SEMA3C: variants seen among roughly 807,000 people sequenced by gnomAD.
SEMA3C encodes the protein semaphorin-3C.
SEMA3C carries 47 observed loss-of-function variants against 89.4 expected under a neutral mutation model. That is an observed-to-expected ratio of 0.53 (90% CI 0.42 to 0.67). The LOEUF is 0.67. Ranked by LOEUF, SEMA3C falls within the 30% of genes least tolerant of loss-of-function variation. The pLI is 0.00. For missense variants in SEMA3C, 839 were observed against 929.1 expected, an observed-to-expected ratio of 0.90 and a Z score of 1.26; for synonymous variants, 310 against 320.2, an observed-to-expected ratio of 0.97 and a Z score of 0.34.
At chr7:80,906,168 T>C (rs1185330226) in intron 2 of SEMA3C, among the ~76,000 whole-genome samples, 1 of 152,192 alleles carries the variant, frequency 6.6e-6, no homozygotes, top group Non-Finnish European at 1.5e-5. Flanking sequence ...TGGAACTTCA[T>C]ACAGATACGT....
intron 2 of SEMA3C, among the ~76,000 whole-genome samples, chr7:80,840,649 G>A (rs1182442344): frequency 1.3e-5 from 2 of 151,760 alleles, no homozygotes; most frequent in African/African-American, 4.8e-5. Context: ...AGGTACACGA[G>A]CAACTGCAGT....
At chr7:80,758,539 AC>A (rs1788117452) in intron 14 of SEMA3C, 51 bp from the exon 15 acceptor site, 2 of 1,552,400 alleles carry the variant, frequency 1.3e-6, no homozygotes, top group African/African-American at 2.7e-5. Flanking sequence ...TTAAAAGAAG[AC>A]TTTCAGCAGG....
intron 12 of SEMA3C, among the ~76,000 whole-genome samples, chr7:80,772,071 C>T (rs1316664847): frequency 6.6e-6 from 1 of 152,136 alleles, no homozygotes; most frequent in African/African-American, 2.4e-5. Context: ...AGGAAACATA[C>T]TTTGAAAGCC....
intron 2 of SEMA3C, among the ~76,000 whole-genome samples, chr7:80,838,819 G>A (rs985026388): frequency 1.3e-5 from 2 of 152,096 alleles, no homozygotes; most frequent in Non-Finnish European, 1.5e-5. Flanking sequence ...AATAGCATGA[G>A]CAAAACCGCC....
chr7:80,776,559 C>A (rs1191000063), intron 12 of SEMA3C, among the ~76,000 whole-genome samples: 1 of 152,158 alleles, frequency 6.6e-6, no homozygotes, highest in Non-Finnish European at 1.5e-5. Flanking sequence ...TCTGAAACTG[C>A]CTTTCCTTAT....
At chr7:80,863,154 C>T (rs1278088222) in intron 2 of SEMA3C, among the ~76,000 whole-genome samples, 1 of 151,534 alleles carries the variant, frequency 6.6e-6, no homozygotes, top group Non-Finnish European at 1.5e-5. Flanking sequence ...ATTGCTTGAA[C>T]CTGGGAGGCA....
At chr7:80,753,889 G>GA (rs1368566822) in intron 15 of SEMA3C, among the ~76,000 whole-genome samples, 1 of 152,002 alleles carries the variant, frequency 6.6e-6, no homozygotes, top group Non-Finnish European at 1.5e-5. Context: ...ACTTGAGAGT[G>GA]AAAATGAAAA....
chr7:80,744,921 G>C lies in SEMA3C; in HGVS notation c.2229C>G (p.Asn743Lys). ...ATGACTCTGGCAACTGATTCCTCCT[G>C]TTTCTACTTTTCCGACTATTGATGA... The part of the protein sequence containing the change: ...KALINSRKSR[N>K]RRNQLPES Residue 743 changes from asparagine (N) to lysine (K), a missense_variant, in exon 18 of 18, where the codon AAC (asparagine) becomes AAG (lysine). Physicochemically the swap from Asn to Lys is moderately conservative, Grantham distance 94. Transcript: ENST00000265361. The C allele has an allele frequency of 6.2e-7, 1 of 1,614,062 alleles. No individual in the cohort carries two copies. Among genetic ancestry groups the C allele is most frequent in the Non-Finnish European group, 8.5e-7 (1 of 1,179,966 alleles).
In SEMA3C at chr7:80,915,284, C is replaced by T. The variant is rs536633175; in HGVS notation, c.103+1395G>A. 2.6e-5 allele frequency among the ~76,000 whole-genome samples: 4 copies of T among 152,232 alleles called. No homozygotes were observed. The East Asian group carries it at 5.8e-4, about 22-fold the overall frequency. On this transcript the variant is annotated intron_variant, in intron 2 of 17. Coordinates refer to ENST00000265361, the MANE Select transcript of SEMA3C (RefSeq NM_006379.5). ...TTTTCCATTCTTCACAACTTAACTGCATAGCTATGGGTTTTAAGGGGAAAT... is the reference window on the plus strand; with the variant it reads ...TTTTCCATTCTTCACAACTTAACTGTATAGCTATGGGTTTTAAGGGGAAAT...
At position 80,827,418 on chromosome 7, in the gene SEMA3C, C is replaced by G; in HGVS notation, c.327+7G>C. On this transcript the variant is annotated splice_region_variant and intron_variant, in intron 4 of 17. Coordinates refer to ENST00000265361, the MANE Select transcript of SEMA3C (RefSeq NM_006379.5). ...TTTTTTTTTTTTTTTTTTTTTTTAA[C>G]ACTTACTGTGGGATCTTTGCCAGCC... 1.1e-6 allele frequency: 1 copy of G among 890,278 alleles called. No homozygotes were observed. The highest frequency in any genetic ancestry group is 1.6e-6 in the Non-Finnish European group (1 of 623,320). 55.1% of individuals were successfully genotyped at this position (890,278 alleles called of 1,614,324 possible).
At chr7:80,849,565 A>G (rs1463985733) in intron 2 of SEMA3C, among the ~76,000 whole-genome samples, 1 of 152,198 alleles carries the variant, frequency 6.6e-6, no homozygotes, top group Non-Finnish European at 1.5e-5. Flanking sequence ...AGGATCAAAA[A>G]GAAAGAAAAT....
intron 2 of SEMA3C, among the ~76,000 whole-genome samples, chr7:80,896,195 C>G (rs1221056007): frequency 6.6e-6 from 1 of 152,108 alleles, no homozygotes; most frequent in Non-Finnish European, 1.5e-5. Context: ...AATAGCCCTA[C>G]AACTGTAAAC....
At chr7:80,754,814 G>A (rs1289945945) in intron 15 of SEMA3C, among the ~76,000 whole-genome samples, 1 of 151,892 alleles carries the variant, frequency 6.6e-6, no homozygotes, top group Admixed American at 6.6e-5. Context: ...GTCTCACTCT[G>A]TCTCCCAGGC....
intron 2 of SEMA3C, among the ~76,000 whole-genome samples, chr7:80,836,810 C>T (rs991532613): frequency 2.6e-5 from 4 of 152,152 alleles, no homozygotes; most frequent in African/African-American, 7.2e-5. Flanking sequence ...CAATGATTCT[C>T]GCCCTGGTTT....
intron 4 of SEMA3C, among the ~76,000 whole-genome samples, chr7:80,819,963 A>G (rs979556155): frequency 1.3e-5 from 2 of 152,052 alleles, no homozygotes; most frequent in East Asian, 1.9e-4. Context: ...AAAAAACTAT[A>G]AAGAAAGACA....
chr7:80,860,195 A>G (rs1790738339), intron 2 of SEMA3C, among the ~76,000 whole-genome samples: 1 of 152,110 alleles, frequency 6.6e-6, no homozygotes, highest in Admixed American at 6.6e-5. Flanking sequence ...AGTTTTTATG[A>G]TTAAAGTAAA....
Position 80,745,188 on chromosome 7 carries a change from T to G in SEMA3C, c.1962A>C (p.Ile654=). Residue 654 remains isoleucine, a synonymous_variant, in exon 18 of 18, where the codon ATA becomes ATC. Transcript: ENST00000265361. ...IATENSFKQT[I]AKINFKVLDS... is the part of the protein sequence containing the mutation. ...CTAAAACTTTGAAGTTGATCTTGGCTATGGTCTGCTTGAAACTATTTTCTG... is the reference window on the plus strand; with the variant it reads ...CTAAAACTTTGAAGTTGATCTTGGCGATGGTCTGCTTGAAACTATTTTCTG... 6.2e-7 allele frequency: 1 copy of G among 1,614,070 alleles called. No homozygotes were observed. Among genetic ancestry groups the G allele is most frequent in the East Asian group, 2.2e-5 (1 of 44,856 alleles).
At chr7:80,814,177 G>A (rs1368372966) in intron 5 of SEMA3C, among the ~76,000 whole-genome samples, 3 of 149,812 alleles carry the variant, frequency 2.0e-5, no homozygotes, top group Non-Finnish European at 4.4e-5. Context: ...GGCGAGCTCC[G>A]CCTCCCGGGT....
chr7:80,852,547 G>A (rs190566493), intron 2 of SEMA3C, among the ~76,000 whole-genome samples: 24 of 152,188 alleles, frequency 1.6e-4, no homozygotes, highest in African/African-American at 5.8e-4. Context: ...AAAACCCACA[G>A]AATGGGAGAA....
Sources: gnomAD v4.1 joint callset for allele counts (sites outside exome capture counted in the v4.1 genomes callset) on GRCh38, gnomAD v4.1.1 for gene constraint, MANE v1.5 for transcripts, NCBI Gene and HGNC (gene_info 2026-07-23, HGNC 2026-07-21) for gene names.